Variants in DLGAP2 observed in about 807,000 individuals in gnomAD.
DLGAP2 encodes DLG associated protein 2.
In DLGAP2, 26 loss-of-function variants were observed where a neutral mutation model predicts 100.3. The ratio of observed to expected loss-of-function variants is 0.26; its 90% CI spans 0.19 to 0.36. The LOEUF is 0.36. DLGAP2 is among the 10% of genes least tolerant of loss of function. The probability of loss-of-function intolerance (pLI) is 1.00; values close to 1 mark genes in which losing one functional copy is unlikely to be tolerated. For synonymous variants in DLGAP2, 886 were observed against 630.1 expected, an observed-to-expected ratio of 1.41 and a Z score of -6.08; for missense variants, 1,858 against 1,453.2, an observed-to-expected ratio of 1.28 and a Z score of -4.53.
At chr8:1,063,674 G>A (rs1156969856) in intron 2 of DLGAP2, among the ~76,000 whole-genome samples, 1 of 152,104 alleles carries the variant, frequency 6.6e-6, no homozygotes, top group African/African-American at 2.4e-5. Context: ...AAAAGTTCCT[G>A]TTATCAATGA....
rs574523131 is a variant in DLGAP2, at chr8:1,533,557, A to G, written c.173-15069A>G. On this transcript the variant is annotated intron_variant, in intron 4 of 14. Transcript: ENST00000637795. ...TAAAAATGCTGTGTGCACTGATGGC[A>G]ATAAATAAATACTGTCTGACTATTT... Among the ~76,000 whole-genome samples, 7 of 152,292 alleles carry G rather than the reference A, an allele frequency of 4.6e-5. No homozygotes were observed. In the South Asian group the frequency reaches 1.5e-3, roughly 32 times the overall value.
At chr8:1,420,239 G>T (rs1797051805) in intron 3 of DLGAP2, among the ~76,000 whole-genome samples, 1 of 152,156 alleles carries the variant, frequency 6.6e-6, no homozygotes, top group Non-Finnish European at 1.5e-5. Context: ...CTCAGGTGTG[G>T]TTGAAGGGCT....
At chr8:1,048,975 C>T (rs1029357196) in intron 2 of DLGAP2, among the ~76,000 whole-genome samples, 2 of 152,182 alleles carry the variant, frequency 1.3e-5, no homozygotes, top group East Asian at 1.9e-4. Context: ...CACCAGCTTT[C>T]GGTTTTCCAG....
intron 2 of DLGAP2, among the ~76,000 whole-genome samples, chr8:1,141,495 A>C (rs1796521684): frequency 6.6e-6 from 1 of 152,178 alleles, no homozygotes; most frequent in Non-Finnish European, 1.5e-5. Flanking sequence ...AAAAAGAAAA[A>C]TGTAATCCAG....
chr8:1,079,516 C>T (rs1803730085), intron 2 of DLGAP2, among the ~76,000 whole-genome samples: 1 of 152,144 alleles, frequency 6.6e-6, no homozygotes. Context: ...GCTCATGTGG[C>T]CCTATAAGCT....
intron 3 of DLGAP2, among the ~76,000 whole-genome samples, chr8:1,439,244 A>G (rs1797752658): frequency 6.6e-6 from 1 of 152,206 alleles, no homozygotes. Flanking sequence ...GCCAGGACTG[A>G]ACAGCACGTG....
intron 2 of DLGAP2, among the ~76,000 whole-genome samples, chr8:1,062,386 A>T (rs931056495): frequency 2.0e-5 from 3 of 152,212 alleles, no homozygotes; most frequent in African/African-American, 4.8e-5. Context: ...TTCTCTCGCA[A>T]GGATGTGGAA....
chr8:1,287,157 T>C (rs7841152), intron 3 of DLGAP2, among the ~76,000 whole-genome samples: 43,190 of 99,316 alleles, frequency 0.43, 7,449 homozygotes, highest in African/African-American at 0.45. Context: ...TGTGTGTGTG[T>C]GCGCGCGCGC....
intron 2 of DLGAP2, among the ~76,000 whole-genome samples, chr8:1,186,517 A>G (rs1370760155): frequency 6.6e-6 from 1 of 152,250 alleles, no homozygotes; most frequent in East Asian, 1.9e-4. Context: ...AGTGACTTCC[A>G]GGCGCCTTAT....
chr8:1,526,889 C>T (rs184874229), intron 4 of DLGAP2, among the ~76,000 whole-genome samples: 10 of 152,304 alleles, frequency 6.6e-5, no homozygotes, highest in East Asian at 5.8e-4. Flanking sequence ...GGAAAGGGGG[C>T]GGTGGCTTTG....
intron 3 of DLGAP2, among the ~76,000 whole-genome samples, chr8:1,470,627 C>T (rs1489804321): frequency 6.6e-6 from 1 of 152,110 alleles, no homozygotes; most frequent in Non-Finnish European, 1.5e-5. Context: ...AATAGTTTAA[C>T]AGAACAAAAG....
intron 6 of DLGAP2, among the ~76,000 whole-genome samples, chr8:1,588,783 A>G (rs1265839279): frequency 1.3e-5 from 2 of 150,658 alleles, no homozygotes; most frequent in Non-Finnish European, 1.5e-5. Context: ...TTAGCTGAGC[A>G]TGGTAGTACA....
Position 1,458,514 on chromosome 8 carries a change from A to G in DLGAP2, c.107-42852A>G, listed in dbSNP as rs1411634577. On this transcript the variant is annotated intron_variant, in intron 3 of 14. Coordinates refer to ENST00000637795, the MANE Select transcript of DLGAP2 (RefSeq NM_001346810.2). ...TTCAACCTGACATATTTAGACAGGC[A>G]TTGTTACCTGGCATCATGAATAATG... is the stretch of plus-strand genomic sequence containing the variant. Among the ~76,000 whole-genome samples the G allele has an allele frequency of 2.0e-5, 3 of 152,210 alleles. No homozygotes were observed. The East Asian group carries it at 5.8e-4, about 29-fold the overall frequency.
intron 2 of DLGAP2, among the ~76,000 whole-genome samples, chr8:948,756 G>A (rs982062478): frequency 6.6e-6 from 1 of 152,338 alleles, no homozygotes; most frequent in South Asian, 2.1e-4. Context: ...AGTGAGCAGG[G>A]CTCAGGCCGT....
At chr8:922,531 G>T (rs1294051829) in intron 2 of DLGAP2, among the ~76,000 whole-genome samples, 1 of 152,200 alleles carries the variant, frequency 6.6e-6, no homozygotes, top group Non-Finnish European at 1.5e-5. Context: ...ACTGTTGTTT[G>T]TTGGGTTTAA....
chr8:1,138,428 G>T (rs1399830273), intron 2 of DLGAP2, among the ~76,000 whole-genome samples: 3 of 152,210 alleles, frequency 2.0e-5, no homozygotes, highest in African/African-American at 7.2e-5. Flanking sequence ...TGCTGAACCT[G>T]TGCTTTCTGA....
chr8:1,156,468 C>T (rs1470462989), intron 2 of DLGAP2, among the ~76,000 whole-genome samples: 1 of 152,190 alleles, frequency 6.6e-6, no homozygotes, highest in Non-Finnish European at 1.5e-5. Context: ...GCTCACGTCT[C>T]CATCTCACCT....
At chr8:1,697,786 C>G (rs983708205) in intron 14 of DLGAP2, among the ~76,000 whole-genome samples, 1 of 152,116 alleles carries the variant, frequency 6.6e-6, no homozygotes, top group East Asian at 1.9e-4. Context: ...CTTATTGAAC[C>G]GTTTGATGAA....
intron 2 of DLGAP2, among the ~76,000 whole-genome samples, chr8:1,046,501 A>G (rs1450349956): frequency 6.6e-6 from 1 of 152,198 alleles, no homozygotes; most frequent in African/African-American, 2.4e-5. Context: ...AAAAAGAGAT[A>G]TTAAAGAGAG....
Sources: gnomAD v4.1 joint callset for allele counts (sites outside exome capture counted in the v4.1 genomes callset) on GRCh38, gnomAD v4.1.1 for gene constraint, MANE v1.5 for transcripts, NCBI Gene and HGNC (gene_info 2026-07-23, HGNC 2026-07-21) for gene names.